Variants in GPC6 observed in about 807,000 individuals in gnomAD.
The protein encoded by GPC6 is glypican-6.
Under a neutral mutation model 55.2 loss-of-function variants are expected in GPC6, and 14 were observed. The ratio of observed to expected loss-of-function variants is 0.25; its 90% CI spans 0.17 to 0.40. The LOEUF (loss-of-function observed/expected upper bound fraction) is 0.40. Among genes scored for constraint, GPC6 ranks in the 10% least tolerant of loss-of-function variants. The pLI, the probability that GPC6 is intolerant of heterozygous loss-of-function variation, is 1.00. For missense variants in GPC6, 641 were observed against 708.5 expected (o/e 0.90, Z 1.08); for synonymous variants, 278 against 259.6 (o/e 1.07, Z -0.68).
intron 3 of GPC6, among the ~76,000 whole-genome samples, chr13:93,890,774 T>G (rs1875635115): frequency 6.6e-6 from 1 of 151,218 alleles, no homozygotes. Context: ...AACTTCTCAT[T>G]CCTTTCCTCT....
At chr13:93,964,563 A>G (rs1879934334) in intron 3 of GPC6, among the ~76,000 whole-genome samples, 1 of 152,242 alleles carries the variant, frequency 6.6e-6, no homozygotes. Context: ...ATATTTGTGC[A>G]CAGTAAATCC....
At chr13:93,909,203 A>G (rs1307934773) in intron 3 of GPC6, among the ~76,000 whole-genome samples, 1 of 152,098 alleles carries the variant, frequency 6.6e-6, no homozygotes, top group Non-Finnish European at 1.5e-5. Context: ...GACAACTTCA[A>G]TTTCTCTAGG....
At chr13:94,049,972 C>T (rs1027319155) in intron 4 of GPC6, among the ~76,000 whole-genome samples, 4 of 152,066 alleles carry the variant, frequency 2.6e-5, no homozygotes, top group African/African-American at 4.8e-5. Flanking sequence ...TTTCCCTGTT[C>T]GATTGGTTCT....
chr13:94,049,074 G>A (rs1883839395), intron 4 of GPC6, among the ~76,000 whole-genome samples: 1 of 151,916 alleles, frequency 6.6e-6, no homozygotes, highest in Non-Finnish European at 1.5e-5. Flanking sequence ...AACATAGCAA[G>A]ACCCTATCTC....
At chr13:93,296,873 G>A (rs7139955) in intron 1 of GPC6, among the ~76,000 whole-genome samples, 16,905 of 152,124 alleles carry the variant, frequency 0.11, 1,149 homozygotes, top group East Asian at 0.35. Context: ...TTCAGGAGTC[G>A]TAGCCATCCA....
chr13:94,379,472 A>C (rs2139204141), intron 6 of GPC6, among the ~76,000 whole-genome samples: 1 of 152,212 alleles, frequency 6.6e-6, no homozygotes, highest in South Asian at 2.1e-4. Flanking sequence ...ATGAGAGAAA[A>C]CCCACATCCC....
Position 93,794,163 on chromosome 13 carries a change from A to G in GPC6, c.320-35991A>G, listed in dbSNP as rs144465514. ...ATTTCCAACTTCAGATTTATGATGG[A>G]TTTTATGATAGTACATGGTTCAAAG... On this transcript the variant is annotated intron_variant, in intron 2 of 8. Coordinates refer to ENST00000377047, the MANE Select transcript of GPC6 (RefSeq NM_005708.5). Among the ~76,000 whole-genome samples, 585 of 152,322 alleles carry G rather than the reference A, an allele frequency of 3.8e-3. 5 individuals are homozygous for G. The highest frequency in any genetic ancestry group is 0.013 in the African/African-American group (552 of 41,570).
At chr13:93,660,406 CT>C (rs1163990713) in intron 2 of GPC6, among the ~76,000 whole-genome samples, 1 of 152,112 alleles carries the variant, frequency 6.6e-6, no homozygotes, top group Non-Finnish European at 1.5e-5. Flanking sequence ...TATGGTACTT[CT>C]TGTTGAGTTG....
At chr13:93,902,422 A>G (rs899713130) in intron 3 of GPC6, among the ~76,000 whole-genome samples, 5 of 152,106 alleles carry the variant, frequency 3.3e-5, no homozygotes, top group Non-Finnish European at 1.5e-5. Context: ...CTCATTGTGT[A>G]TATATACCAT....
intron 3 of GPC6, among the ~76,000 whole-genome samples, chr13:94,003,067 G>A (rs1161179752): frequency 6.6e-6 from 1 of 152,190 alleles, no homozygotes; most frequent in East Asian, 1.9e-4. Context: ...ATCTAGCTGT[G>A]AATGAAAATA....
intron 4 of GPC6, among the ~76,000 whole-genome samples, chr13:94,274,460 G>A (rs1446682577): frequency 6.6e-6 from 1 of 151,992 alleles, no homozygotes; most frequent in Non-Finnish European, 1.5e-5. Flanking sequence ...CATTAAATTG[G>A]TTCGCTTCCA....
Position 94,011,300 on chromosome 13 carries a change from T to C in GPC6, c.712-16429T>C, listed in dbSNP as rs192717149. Among the ~76,000 whole-genome samples the C allele has an allele frequency of 5.6e-4, 85 of 152,272 alleles. 1 individual carries two copies. Among genetic ancestry groups the C allele is most frequent in the Middle Eastern group, 3.4e-3 (1 of 294 alleles). Reference sequence around the variant, plus strand: ...TTATAATTTACAAATAAAACTGGTGTCATCCTTCAAAGTAACCCCCTTCTG... The same window carrying C: ...TTATAATTTACAAATAAAACTGGTGCCATCCTTCAAAGTAACCCCCTTCTG... On this transcript the variant is annotated intron_variant, in intron 3 of 8. Coordinates refer to ENST00000377047, the MANE Select transcript of GPC6 (RefSeq NM_005708.5).
chr13:94,270,692 A>C (rs556845485), intron 4 of GPC6, among the ~76,000 whole-genome samples: 8 of 152,350 alleles, frequency 5.3e-5, no homozygotes, highest in Non-Finnish European at 1.0e-4. Context: ...GTCTTTCTGA[A>C]AAACAAAGTT....
intron 1 of GPC6, among the ~76,000 whole-genome samples, chr13:93,489,547 T>C (rs1184004734): frequency 6.6e-6 from 1 of 151,462 alleles, no homozygotes. Context: ...ATTGAATCTA[T>C]AAATTACCTT....
chr13:94,371,714 AC>A (rs778523165), intron 6 of GPC6, among the ~76,000 whole-genome samples: 38 of 152,220 alleles, frequency 2.5e-4, no homozygotes, highest in Non-Finnish European at 3.8e-4. Flanking sequence ...ATTATTTTTA[AC>A]TTTTTCAATA....
intron 1 of GPC6, among the ~76,000 whole-genome samples, chr13:93,359,860 T>A (rs1036807727): frequency 1.3e-4 from 20 of 152,288 alleles, no homozygotes; most frequent in East Asian, 3.9e-4. Flanking sequence ...TCTCCATGCA[T>A]TACTATCTTG....
chr13:93,487,634 C>CT (rs1477497604), intron 1 of GPC6, among the ~76,000 whole-genome samples: 1 of 152,152 alleles, frequency 6.6e-6, no homozygotes, highest in East Asian at 1.9e-4. Flanking sequence ...GTCCATACCC[C>CT]TTGTTGCTTT....
At chr13:94,062,368 A>G (rs1884361977) in intron 4 of GPC6, among the ~76,000 whole-genome samples, 1 of 152,100 alleles carries the variant, frequency 6.6e-6, no homozygotes, top group Non-Finnish European at 1.5e-5. Context: ...CTCCCGCCTC[A>G]GCCTCTTGAG....
intron 6 of GPC6, among the ~76,000 whole-genome samples, chr13:94,334,810 A>G (rs145083583): frequency 5.5e-4 from 84 of 152,320 alleles, no homozygotes; most frequent in African/African-American, 1.8e-3. Context: ...TCCATCGGAA[A>G]TCCAGCTTTA....
Sources: gnomAD v4.1 joint callset for allele counts (sites outside exome capture counted in the v4.1 genomes callset) on GRCh38, gnomAD v4.1.1 for gene constraint, MANE v1.5 for transcripts, NCBI Gene and HGNC (gene_info 2026-07-23, HGNC 2026-07-21) for gene names.